Variants in FOXN3 observed in about 807,000 individuals in gnomAD.
FOXN3 encodes the protein forkhead box N3, also known as forkhead box protein N3.
FOXN3 carries 7 observed loss-of-function variants against 38.4 expected under a neutral mutation model. That is an observed-to-expected ratio of 0.18 (90% CI 0.10 to 0.34). The LOEUF is 0.34. Ranked by LOEUF, FOXN3 falls within the 10% of genes least tolerant of loss-of-function variation. The pLI is 1.00. For synonymous variants in FOXN3, 230 were observed against 242.2 expected (o/e 0.95, Z 0.47); for missense variants, 456 against 613.4 (o/e 0.74, Z 2.71).
At chr14:89,333,770 A>AC in intron 3 of FOXN3, among the ~76,000 whole-genome samples, 1 of 140,912 alleles carries the variant, frequency 7.1e-6, no homozygotes, top group East Asian at 2.1e-4. Flanking sequence ...AAAAAAAAAA[A>AC]AAAAAACAGA....
rs1888885265 is a variant in FOXN3 at position 89,349,525 on chromosome 14, T to C, written c.680+1147A>G. ...TGCCAGGCAACAAACAGCCTTGTGA[T>C]GCAACTGCACCTGTCTCGGCTACGC... is the stretch of plus-strand genomic sequence containing the variant. On this transcript the variant is annotated intron_variant, in intron 3 of 5. Coordinates refer to ENST00000557258, the MANE Select transcript of FOXN3 (RefSeq NM_005197.4). 2.0e-5 allele frequency: 3 copies of C among 152,798 alleles called. No individual in the cohort carries two copies. In the South Asian group the frequency reaches 6.2e-4, roughly 32 times the overall value. The allele number at this position is 152,798 out of a possible 1,614,324, so 9.5% of individuals were successfully genotyped here.
At chr14:89,608,391 C>T (rs1016908343) in intron 1 of FOXN3, among the ~76,000 whole-genome samples, 12 of 152,304 alleles carry the variant, frequency 7.9e-5, no homozygotes, top group Admixed American at 7.8e-4. Flanking sequence ...CTGCCCGCCT[C>T]GGCCTCCCAA....
At chr14:89,488,989 C>T (rs1004462848) in intron 1 of FOXN3, among the ~76,000 whole-genome samples, 1 of 152,152 alleles carries the variant, frequency 6.6e-6, no homozygotes, top group Non-Finnish European at 1.5e-5. Context: ...TATGGCATTG[C>T]TTCTAGAAAA....
chr14:89,325,227 C>CACCATCACT (rs1213892464), intron 3 of FOXN3, among the ~76,000 whole-genome samples: 1 of 148,002 alleles, frequency 6.8e-6, no homozygotes, highest in African/African-American at 2.5e-5. Flanking sequence ...CCACCACCAC[C>CACCATCACT]ACCATCACTA....
chr14:89,360,752 C>CACT (rs201710055), intron 2 of FOXN3, among the ~76,000 whole-genome samples: 54 of 119,912 alleles, frequency 4.5e-4, no homozygotes, highest in East Asian at 2.7e-3. Context: ...CCACCTCCAC[C>CACT]ACCACCTCCA....
intron 1 of FOXN3, among the ~76,000 whole-genome samples, chr14:89,612,563 A>G (rs1046207296): frequency 6.6e-6 from 1 of 152,080 alleles, no homozygotes; most frequent in East Asian, 1.9e-4. Context: ...TGGGAGGCTG[A>G]GGTAGGAGGA....
At chr14:89,369,709 A>C (rs1299467970) in intron 2 of FOXN3, among the ~76,000 whole-genome samples, 1 of 151,816 alleles carries the variant, frequency 6.6e-6, no homozygotes, top group Non-Finnish European at 1.5e-5. Context: ...AACCCATCAG[A>C]TCTCATAAGA....
intron 1 of FOXN3, among the ~76,000 whole-genome samples, chr14:89,551,611 C>T (rs1008338988): frequency 1.1e-4 from 17 of 152,164 alleles, no homozygotes; most frequent in Non-Finnish European, 2.1e-4. Flanking sequence ...CCACACAGTC[C>T]TCTAGGGCTT....
intron 1 of FOXN3, among the ~76,000 whole-genome samples, chr14:89,575,864 C>T (rs1370421169): frequency 3.9e-5 from 6 of 152,246 alleles, no homozygotes; most frequent in Non-Finnish European, 7.3e-5. Flanking sequence ...AACCGCCCTC[C>T]GGCCTCCACG....
chr14:89,577,923 C>T (rs1379886662), intron 1 of FOXN3, among the ~76,000 whole-genome samples: 5 of 152,176 alleles, frequency 3.3e-5, no homozygotes, highest in South Asian at 2.1e-4. Context: ...TCTATGAAAA[C>T]CTATGACAGC....
chr14:89,257,399 T>A (rs1349570676), intron 4 of FOXN3, among the ~76,000 whole-genome samples: 1 of 152,216 alleles, frequency 6.6e-6, no homozygotes, highest in Non-Finnish European at 1.5e-5. Context: ...TTCCACGAAG[T>A]TGGGCTGAAA....
At chr14:89,319,613 G>T (rs1887842262) in intron 3 of FOXN3, among the ~76,000 whole-genome samples, 1 of 152,094 alleles carries the variant, frequency 6.6e-6, no homozygotes, top group South Asian at 2.1e-4. Flanking sequence ...GGAGTGCTGA[G>T]AACCCTCCTG....
chr14:89,555,376 T>A (rs759540503), intron 1 of FOXN3, among the ~76,000 whole-genome samples: 4 of 152,224 alleles, frequency 2.6e-5, no homozygotes, highest in Non-Finnish European at 5.9e-5. Flanking sequence ...AGGCTCTGCT[T>A]CTCACCTCAG....
In FOXN3 at chr14:89,607,485, G is replaced by T. The variant is rs575969376; in HGVS notation, c.-15+11543C>A. 7.9e-5 allele frequency among the ~76,000 whole-genome samples: 12 copies of T among 151,876 alleles called. No homozygotes were observed. In the South Asian group the frequency reaches 2.5e-3, roughly 32 times the overall value. On this transcript the variant is annotated intron_variant, in intron 1 of 6. Transcript: ENST00000345097. ...GAGGCAGGAGAATCGCTTGGACTCGGGAGATGGGGGTTGCAATCAGCCGAG... is the reference window on the plus strand; with the variant it reads ...GAGGCAGGAGAATCGCTTGGACTCGTGAGATGGGGGTTGCAATCAGCCGAG...
At chr14:89,451,712 T>G (rs1413036115) in intron 1 of FOXN3, among the ~76,000 whole-genome samples, 2 of 152,198 alleles carry the variant, frequency 1.3e-5, no homozygotes, top group Non-Finnish European at 2.9e-5. Context: ...TCAGATTCAC[T>G]TTTTTTATCT....
At chr14:89,606,469 T>A (rs554768908) in intron 1 of FOXN3, among the ~76,000 whole-genome samples, 2 of 151,722 alleles carry the variant, frequency 1.3e-5, no homozygotes, top group East Asian at 1.9e-4. Context: ...GAAAAAAAAA[T>A]TGATAAGAAA....
intron 1 of FOXN3, among the ~76,000 whole-genome samples, chr14:89,437,014 G>A (rs536906524): frequency 6.6e-6 from 1 of 152,206 alleles, no homozygotes; most frequent in East Asian, 1.9e-4. Context: ...AGGCGTGGTG[G>A]CAGACACCTG....
intron 1 of FOXN3, among the ~76,000 whole-genome samples, chr14:89,448,660 G>A (rs1019300091): frequency 2.0e-5 from 3 of 152,008 alleles, no homozygotes; most frequent in Non-Finnish European, 2.9e-5. Flanking sequence ...AATCCTGGGT[G>A]GGGTGCGGTG....
chr14:89,505,303 C>T (rs1262113803), intron 1 of FOXN3, among the ~76,000 whole-genome samples: 1 of 150,644 alleles, frequency 6.6e-6, no homozygotes, highest in Admixed American at 6.6e-5. Flanking sequence ...CCCCTCTCCC[C>T]ACGGTCTCCC....
Sources: gnomAD v4.1 joint callset for allele counts (sites outside exome capture counted in the v4.1 genomes callset) on GRCh38, gnomAD v4.1.1 for gene constraint, MANE v1.5 for transcripts, NCBI Gene and HGNC (gene_info 2026-07-23, HGNC 2026-07-21) for gene names.